Variants in PPFIA2 observed in about 807,000 individuals in gnomAD.
The protein encoded by PPFIA2 is PPFI scaffold protein A2.
Under a neutral mutation model 175.5 loss-of-function variants are expected in PPFIA2, and 46 were observed. That is an observed-to-expected ratio of 0.26 (90% CI 0.21 to 0.34). PPFIA2 has a LOEUF of 0.34. PPFIA2 is among the 10% of genes least tolerant of loss of function. The probability of loss-of-function intolerance (pLI) is 1.00; values close to 1 mark genes in which losing one functional copy is unlikely to be tolerated. For synonymous variants in PPFIA2, 568 were observed against 511.4 expected (o/e 1.11, Z -1.49); for missense variants, 1,179 against 1,506.1 (o/e 0.78, Z 3.60).
At position 81,675,199 on chromosome 12, in the gene PPFIA2, T is replaced by TAC. The variant is rs34965629; in HGVS notation, c.303+1590_303+1591dup. 1.6e-3 allele frequency among the ~76,000 whole-genome samples: 233 copies of TAC among 148,650 alleles called. 1 individual carries two copies. Among genetic ancestry groups the TAC allele is most frequent in the South Asian group, 3.9e-3 (18 of 4,664 alleles). On this transcript the variant is annotated intron_variant, in intron 4 of 32. Transcript: ENST00000549396. ...TATAGATTGATATACTATACACACA[T>TAC]ACACACACACACACACACACACATA...
intron 13 of PPFIA2, chr12:81,368,111 A>C: frequency 7.8e-7 from 1 of 1,288,028 alleles, no homozygotes; most frequent in Non-Finnish European, 1.0e-6. Context: ...ACCTTAATTT[A>C]TGCTCTGGAA....
At chr12:81,549,996 C>G (rs953531048) in intron 4 of PPFIA2, among the ~76,000 whole-genome samples, 1 of 151,894 alleles carries the variant, frequency 6.6e-6, no homozygotes, top group African/African-American at 2.4e-5. Context: ...TATTCCAAGG[C>G]AAAGATAGCT....
At chr12:81,534,097 T>C (rs1488365629) in intron 4 of PPFIA2, among the ~76,000 whole-genome samples, 3 of 151,606 alleles carry the variant, frequency 2.0e-5, no homozygotes, top group Non-Finnish European at 4.4e-5. Context: ...TTCTCACTCA[T>C]ATGTGTGAGC....
intron 23 of PPFIA2, among the ~76,000 whole-genome samples, chr12:81,298,850 G>T (rs1325133297): frequency 6.6e-6 from 1 of 152,138 alleles, no homozygotes; most frequent in Non-Finnish European, 1.5e-5. Context: ...TGGTCCATAG[G>T]CTTTAGAGAA....
In PPFIA2 at chr12:81,508,666, A is replaced by G. The variant is rs563449380; in HGVS notation, c.304-50800T>C. Among the ~76,000 whole-genome samples, 931 of 151,426 alleles carry G rather than the reference A, an allele frequency of 6.1e-3. 10 individuals carry two copies. The highest frequency in any genetic ancestry group is 0.01 in the Non-Finnish European group (704 of 67,928). On this transcript the variant is annotated intron_variant, in intron 4 of 32. Transcript: ENST00000549396. ...TTTAGGGTACATGTGCACAATGTGC[A>G]GGTTAGTTACATATGTATACATGTG...
chr12:81,299,893 T>G (rs956222757), intron 22 of PPFIA2, among the ~76,000 whole-genome samples: 2 of 152,172 alleles, frequency 1.3e-5, no homozygotes, highest in Non-Finnish European at 2.9e-5. Flanking sequence ...GGATCTATCT[T>G]AGGAGTTAGT....
intron 28 of PPFIA2, among the ~76,000 whole-genome samples, chr12:81,273,646 A>G (rs1196560420): frequency 6.6e-6 from 1 of 152,176 alleles, no homozygotes; most frequent in Non-Finnish European, 1.5e-5. Context: ...TGAATCTGGA[A>G]GCTGAACATG....
At chr12:81,527,407 G>C (rs912557167) in intron 4 of PPFIA2, among the ~76,000 whole-genome samples, 3 of 152,012 alleles carry the variant, frequency 2.0e-5, no homozygotes, top group African/African-American at 7.2e-5. Flanking sequence ...CTTTGAAGAA[G>C]TTGTCTCTTC....
chr12:81,541,456 A>G (rs895516440), intron 4 of PPFIA2, among the ~76,000 whole-genome samples: 1 of 152,144 alleles, frequency 6.6e-6, no homozygotes, highest in Non-Finnish European at 1.5e-5. Flanking sequence ...GAAGTCAAGA[A>G]CCAAAGGAAA....
intron 18 of PPFIA2, among the ~76,000 whole-genome samples, chr12:81,346,168 A>G (rs2059037331): frequency 6.6e-6 from 1 of 152,148 alleles, no homozygotes; most frequent in African/African-American, 2.4e-5. Context: ...ACCTCCATAA[A>G]CAGTTCAGAA....
chr12:81,367,211 CAT>C, intron 13 of PPFIA2, 41 bp from the exon 14 acceptor site: 1 of 1,201,596 alleles, frequency 8.3e-7, no homozygotes, highest in Non-Finnish European at 1.1e-6. Flanking sequence ...ATAAATTAAA[CAT>C]AAAATACTTA....
intron 32 of PPFIA2, chr12:81,260,862 G>C (rs2136077382): frequency 6.6e-6 from 1 of 152,228 alleles, no homozygotes; most frequent in Non-Finnish European, 1.5e-5. Context: ...TTCATCGAAA[G>C]TGGTTAAATA....
At chr12:81,698,217 T>C (rs1268788293) in intron 3 of PPFIA2, among the ~76,000 whole-genome samples, 3 of 152,110 alleles carry the variant, frequency 2.0e-5, no homozygotes, top group South Asian at 2.1e-4. Flanking sequence ...CCAAAACTCA[T>C]GTTGAAATGT....
intron 4 of PPFIA2, among the ~76,000 whole-genome samples, chr12:81,603,318 T>C (rs1479481056): frequency 6.6e-6 from 1 of 151,836 alleles, no homozygotes; most frequent in African/African-American, 2.4e-5. Context: ...TTGCATATAG[T>C]AGATAATTTA....
chr12:81,408,600 C>T (rs1240726030), intron 7 of PPFIA2, among the ~76,000 whole-genome samples: 1 of 151,962 alleles, frequency 6.6e-6, no homozygotes, highest in East Asian at 1.9e-4. Context: ...GAATTAATGT[C>T]CCTATTAAAA....
chr12:81,677,937 G>C (rs2072874615), intron 3 of PPFIA2, among the ~76,000 whole-genome samples: 1 of 151,782 alleles, frequency 6.6e-6, no homozygotes, highest in South Asian at 2.1e-4. Context: ...AAAAGAAGTT[G>C]CAATTCTAGG....
intron 4 of PPFIA2, among the ~76,000 whole-genome samples, chr12:81,660,815 C>T (rs921790481): frequency 6.6e-6 from 1 of 152,176 alleles, no homozygotes; most frequent in Admixed American, 6.5e-5. Flanking sequence ...GGGTTACCCA[C>T]AAAGGGAATC....
intron 3 of PPFIA2, among the ~76,000 whole-genome samples, chr12:81,718,694 T>C (rs2078959170): frequency 6.6e-6 from 1 of 151,628 alleles, no homozygotes; most frequent in Non-Finnish European, 1.5e-5. Context: ...ATTTAATACA[T>C]TTGAAGAAAA....
At chr12:81,423,115 G>A (rs2046577574) in intron 7 of PPFIA2, among the ~76,000 whole-genome samples, 1 of 151,732 alleles carries the variant, frequency 6.6e-6, no homozygotes, top group African/African-American at 2.4e-5. Context: ...ACAAATAAGG[G>A]GATTGAATCA....
Sources: gnomAD v4.1 joint callset for allele counts (sites outside exome capture counted in the v4.1 genomes callset) on GRCh38, gnomAD v4.1.1 for gene constraint, MANE v1.5 for transcripts, NCBI Gene and HGNC (gene_info 2026-07-23, HGNC 2026-07-21) for gene names.